The following INPP4B variants were observed in gnomAD, a reference collection of about 807,000 sequenced individuals.
INPP4B encodes the protein inositol polyphosphate-4-phosphatase type II B, also known as inositol polyphosphate 4-phosphatase type II.
INPP4B carries 55 observed loss-of-function variants against 122.5 expected under a neutral mutation model. The ratio of observed to expected loss-of-function variants is 0.45; its 90% CI spans 0.36 to 0.56. The LOEUF is 0.56. Among genes scored for constraint, INPP4B ranks in the 20% least tolerant of loss-of-function variants. The probability of loss-of-function intolerance (pLI) is 0.00; values close to 1 mark genes in which losing one functional copy is unlikely to be tolerated. For synonymous variants in INPP4B, 403 were observed against 388.7 expected, an observed-to-expected ratio of 1.04 and a Z score of -0.43; for missense variants, 1,000 against 1,097.7, an observed-to-expected ratio of 0.91 and a Z score of 1.26.
chr4:142,736,935 T>C (rs888049411), intron 1 of INPP4B, among the ~76,000 whole-genome samples: 1 of 152,064 alleles, frequency 6.6e-6, no homozygotes, highest in African/African-American at 2.4e-5. Flanking sequence ...GGCTGTGGGT[T>C]TGTCATAGAT....
chr4:142,361,209 G>T (rs968939688), intron 7 of INPP4B, among the ~76,000 whole-genome samples: 4 of 151,804 alleles, frequency 2.6e-5, no homozygotes, highest in African/African-American at 9.7e-5. Flanking sequence ...GTACAAATAG[G>T]TTTATGTTTC....
chr4:142,338,282 C>G (rs1777511953), intron 7 of INPP4B, among the ~76,000 whole-genome samples: 1 of 152,194 alleles, frequency 6.6e-6, no homozygotes, highest in South Asian at 2.1e-4. Context: ...GTGGCCCAGG[C>G]TGGAGTTCAG....
chr4:142,463,689 G>A (rs532662694), intron 2 of INPP4B, among the ~76,000 whole-genome samples: 36 of 152,036 alleles, frequency 2.4e-4, no homozygotes, highest in Non-Finnish European at 5.0e-4. Flanking sequence ...TCATGGGGGT[G>A]GTTACCCAGT....
chr4:142,086,084 C>T (rs894571300), intron 24 of INPP4B, 60 bp downstream of exon 24: 6 of 1,125,500 alleles, frequency 5.3e-6, no homozygotes, highest in South Asian at 1.2e-5. Flanking sequence ...CAGTAGAGAA[C>T]TGATAATATT....
At chr4:142,665,107 C>T (rs1052435021) in intron 2 of INPP4B, among the ~76,000 whole-genome samples, 11 of 152,168 alleles carry the variant, frequency 7.2e-5, no homozygotes, top group Admixed American at 5.9e-4. Flanking sequence ...CATCAGACCA[C>T]CATGGGATAT....
At chr4:142,701,785 T>C (rs1052167555) in intron 2 of INPP4B, among the ~76,000 whole-genome samples, 20 of 152,158 alleles carry the variant, frequency 1.3e-4, no homozygotes, top group Non-Finnish European at 2.4e-4. Context: ...GATAAACCCT[T>C]CTAGACATCT....
chr4:142,471,968 A>G (rs184581024), intron 2 of INPP4B, among the ~76,000 whole-genome samples: 2 of 152,282 alleles, frequency 1.3e-5, no homozygotes, highest in East Asian at 3.9e-4. Context: ...TTCAACCTAC[A>G]AATTATTTTT....
At chr4:142,504,139 G>T (rs1325439735) in intron 2 of INPP4B, among the ~76,000 whole-genome samples, 1 of 151,766 alleles carries the variant, frequency 6.6e-6, no homozygotes, top group Non-Finnish European at 1.5e-5. Context: ...CCAAGCAAAT[G>T]GTATACTAAG....
intron 2 of INPP4B, among the ~76,000 whole-genome samples, chr4:142,700,749 C>A (rs578014025): frequency 6.0e-4 from 91 of 152,084 alleles, no homozygotes; most frequent in Admixed American, 1.8e-3. Flanking sequence ...GGTCACATGA[C>A]CTTTCTGTGA....
chr4:142,367,478 T>G, intron 7 of INPP4B, among the ~76,000 whole-genome samples: 1 of 152,090 alleles, frequency 6.6e-6, no homozygotes, highest in Non-Finnish European at 1.5e-5. Flanking sequence ...TACTTCTTTA[T>G]TAATATGTTT....
intron 12 of INPP4B, among the ~76,000 whole-genome samples, chr4:142,225,281 C>A (rs985240451): frequency 6.6e-6 from 1 of 152,116 alleles, no homozygotes; most frequent in Non-Finnish European, 1.5e-5. Flanking sequence ...CAGTGGTCTG[C>A]CAGGGGCTCT....
chr4:142,469,021 G>C (rs924511779), intron 2 of INPP4B, among the ~76,000 whole-genome samples: 2 of 151,862 alleles, frequency 1.3e-5, no homozygotes, highest in African/African-American at 4.8e-5. Flanking sequence ...ATTTCCCAAA[G>C]GTTTTAAAAA....
At chr4:142,747,856 A>G (rs893317537) in intron 1 of INPP4B, among the ~76,000 whole-genome samples, 2 of 145,732 alleles carry the variant, frequency 1.4e-5, no homozygotes, top group African/African-American at 5.1e-5. Flanking sequence ...AACATCACAT[A>G]CCAGGGCCTG....
At chr4:142,215,892 CAAAAAAAAAAAAAAAAAAAAAAAAA>C (rs200657873) in intron 12 of INPP4B, among the ~76,000 whole-genome samples, 15 of 54,572 alleles carry the variant, frequency 2.7e-4, no homozygotes, top group Non-Finnish European at 3.3e-4. Context: ...GACTCTGTCT[CAAAAAAAAAAAAAAAAAAAAAAAAA>C]AAAAAAAAAA....
intron 7 of INPP4B, among the ~76,000 whole-genome samples, chr4:142,325,871 C>A (rs1772162551): frequency 6.6e-6 from 1 of 152,178 alleles, no homozygotes; most frequent in South Asian, 2.1e-4. Context: ...GTATCCCTGC[C>A]ATTACCCACA....
At chr4:142,029,050 G>GTGA in intron 25 of INPP4B, 136 bp from the exon 26 acceptor site, 3 of 1,416,174 alleles carry the variant, frequency 2.1e-6, no homozygotes, top group Non-Finnish European at 1.8e-6. Context: ...TTTTCCACAA[G>GTGA]TGATGATACA....
chr4:142,629,652 A>G (rs1251056862), intron 2 of INPP4B, among the ~76,000 whole-genome samples: 2 of 152,122 alleles, frequency 1.3e-5, no homozygotes, highest in African/African-American at 2.4e-5. Flanking sequence ...CCATGAAAAA[A>G]CATGACACAC....
chr4:142,545,097 T>C (rs1829396295), intron 2 of INPP4B, among the ~76,000 whole-genome samples: 1 of 152,176 alleles, frequency 6.6e-6, no homozygotes, highest in African/African-American at 2.4e-5. Flanking sequence ...GAAATAATTG[T>C]TTTATTTAAA....
At chr4:142,545,765 G>A (rs200842412) in intron 2 of INPP4B, among the ~76,000 whole-genome samples, 2,100 of 125,002 alleles carry the variant, frequency 0.017, 38 homozygotes, top group African/African-American at 0.026. Flanking sequence ...ACATGTATAT[G>A]TGTGTATATA....
Sources: gnomAD v4.1 joint callset for allele counts (sites outside exome capture counted in the v4.1 genomes callset) on GRCh38, gnomAD v4.1.1 for gene constraint, MANE v1.5 for transcripts, NCBI Gene and HGNC (gene_info 2026-07-23, HGNC 2026-07-21) for gene names.